MEI1: variants seen among roughly 807,000 people sequenced by gnomAD.
MEI1 encodes meiotic double-stranded break formation protein 1, also known as meiosis inhibitor protein 1.
MEI1 carries 103 observed loss-of-function variants against 146.2 expected under a neutral mutation model. The ratio of observed to expected loss-of-function variants is 0.70; its 90% CI spans 0.60 to 0.83. The LOEUF is 0.83. MEI1 is among the 40% of genes least tolerant of loss of function. The pLI, the probability that MEI1 is intolerant of heterozygous loss-of-function variation, is 0.00. For synonymous variants in MEI1, 652 were observed against 628.2 expected (o/e 1.04, Z -0.57); for missense variants, 1,529 against 1,533.0 (o/e 1.00, Z 0.04).
intron 26 of MEI1, among the ~76,000 whole-genome samples, chr22:41,789,022 T>C (rs959177222): frequency 6.6e-6 from 1 of 152,082 alleles, no homozygotes; most frequent in Non-Finnish European, 1.5e-5. Flanking sequence ...TACTTTTGTA[T>C]TGGTAGTAAG....
At chr22:41,784,552 T>C in intron 25 of MEI1, 56 bp from the exon 26 acceptor site, 1 of 1,597,780 alleles carries the variant, frequency 6.3e-7, no homozygotes, top group East Asian at 2.2e-5. Flanking sequence ...GTGACAGAGC[T>C]GGGTGGGAGG....
chr22:41,795,973 T>A lies in MEI1; in HGVS notation c.3779+126T>A. The A allele has an allele frequency of 6.2e-7, 1 of 1,611,790 alleles. No homozygotes were observed. The highest frequency in any genetic ancestry group is 1.1e-5 in the South Asian group (1 of 90,986). The stretch of plus-strand genomic sequence containing the variant: ...CTCTCTCATGAAGAGGTGGGTGATG[T>A]TCTGCAAGGTGTGGCTTTGGCTGAC... On this transcript the variant is annotated intron_variant, in intron 30 of 30. Transcript: ENST00000401548. The surrounding 1 kb of genome is among the most constrained non-coding windows in gnomAD (Gnocchi z 4.2).
Position 41,730,651 on chromosome 22 carries a change from GTCCTGTAC to G in MEI1, c.1096+16_1096+23del. 1 of 1,577,408 alleles carries G rather than the reference GTCCTGTAC, an allele frequency of 6.3e-7. No homozygotes were observed. The highest frequency in any genetic ancestry group is 8.7e-7 in the Non-Finnish European group (1 of 1,146,772). On this transcript the variant is annotated intron_variant, in intron 9 of 30. Coordinates refer to ENST00000401548, the MANE Select transcript of MEI1 (RefSeq NM_152513.4). ...ACACGGTGTATGGTTGGTAGTAAGGGTCCTGTACTAGCTTTGGGTTGGGTGGACGGCAG... is the reference window on the plus strand; with the variant it reads ...ACACGGTGTATGGTTGGTAGTAAGGGTAGCTTTGGGTTGGGTGGACGGCAG...
intron 7 of MEI1, among the ~76,000 whole-genome samples, chr22:41,726,744 C>T (rs1227433831): frequency 1.2e-5 from 1 of 81,616 alleles, no homozygotes; most frequent in Non-Finnish European, 4.0e-5. Flanking sequence ...TATGTCATTT[C>T]TTTTATAAAA....
chr22:41,774,486 C>G (rs1318151776), intron 20 of MEI1: 6 of 152,178 alleles, frequency 3.9e-5, no homozygotes, highest in Non-Finnish European at 8.8e-5. Context: ...GCCTCATACT[C>G]TGTAAAGTAA....
chr22:41,769,252 G>T (rs1344171702), intron 19 of MEI1, among the ~76,000 whole-genome samples: 2 of 152,146 alleles, frequency 1.3e-5, no homozygotes, highest in Admixed American at 1.3e-4. Context: ...TGAGAGTCCA[G>T]AAGTAAACCC....
chr22:41,713,954 C>T (rs2069853124), intron 3 of MEI1, 48 bp from the exon 4 acceptor site: 3 of 1,508,252 alleles, frequency 2.0e-6, no homozygotes, highest in Middle Eastern at 2.0e-4. Context: ...AAGGTGGACT[C>T]TGGGTTGGGG....
chr22:41,762,550 AT>A (rs1167639969), intron 18 of MEI1, among the ~76,000 whole-genome samples: 31 of 135,358 alleles, frequency 2.3e-4, no homozygotes, highest in Admixed American at 8.0e-4. Flanking sequence ...AATTTAACTG[AT>A]TTTTTTTTTT....
At position 41,799,433 on chromosome 22, in the gene MEI1, G is replaced by A; in HGVS notation, c.*134G>A. The A allele has an allele frequency of 1.2e-6, 1 of 802,332 alleles. No homozygotes were observed. The highest frequency in any genetic ancestry group is 2.0e-6 in the Non-Finnish European group (1 of 497,826). 49.7% of individuals were successfully genotyped at this position (802,332 alleles called of 1,614,324 possible). On this transcript the variant is annotated 3_prime_UTR_variant, in exon 31 of 31. Transcript: ENST00000401548. ...TACTCTATTGTTGAAATAGAATAAGGAAATAAAATGATACACTCACATACC... is the reference window on the plus strand; with the variant it reads ...TACTCTATTGTTGAAATAGAATAAGAAAATAAAATGATACACTCACATACC...
intron 24 of MEI1, among the ~76,000 whole-genome samples, chr22:41,782,160 A>T (rs543042254): frequency 4.6e-5 from 7 of 152,338 alleles, no homozygotes; most frequent in African/African-American, 1.7e-4. Context: ...TAAGGATAAG[A>T]TTGTACTCAG....
intron 12 of MEI1, among the ~76,000 whole-genome samples, chr22:41,743,962 C>T (rs184811674): frequency 6.6e-5 from 10 of 152,140 alleles, no homozygotes; most frequent in Admixed American, 5.9e-4. Flanking sequence ...CTGCAACCTC[C>T]GCCTCCCGGG....
At position 41,744,986 on chromosome 22, in the gene MEI1, G is replaced by A; in HGVS notation, c.1460G>A (p.Ser487Asn). ...LSRRPLGHAS[S>N]RDSEKAILQR... is the part of the protein sequence containing the mutation. ...TTCCCACCTCAGGGCCATGCCTCCA[G>A]TAGAGATTCAGAGAAGGCCATTCTT... Residue 487 changes from serine to asparagine, a missense_variant, in exon 13 of 31, where the codon AGT becomes AAT. Around this residue, in one of 3 missense-constraint regions of MEI1, gnomAD observed 1,212 missense variants for 1,178.9 expected, o/e 1.03. Coordinates refer to ENST00000401548, the MANE Select transcript of MEI1 (RefSeq NM_152513.4). 1 of 1,557,542 alleles carries A rather than the reference G, an allele frequency of 6.4e-7. No homozygotes were observed. The highest frequency in any genetic ancestry group is 8.7e-7 in the Non-Finnish European group (1 of 1,149,982).
At chr22:41,707,028 CAAAAAAA>C (rs59421678) in intron 3 of MEI1, among the ~76,000 whole-genome samples, 2,568 of 130,858 alleles carry the variant, frequency 0.02, 69 homozygotes, top group African/African-American at 0.062. Context: ...CCATCTCTAC[CAAAAAAA>C]AAAAAAAAAA....
intron 26 of MEI1, among the ~76,000 whole-genome samples, chr22:41,790,727 G>A (rs902571131): frequency 6.6e-6 from 1 of 152,002 alleles, no homozygotes; most frequent in African/African-American, 2.4e-5. Context: ...CTGAGCAGCT[G>A]GGACTACAGG....
At chr22:41,722,467 A>ATTTTTTTTTT (rs749033326) in intron 6 of MEI1, among the ~76,000 whole-genome samples, 1 of 127,646 alleles carries the variant, frequency 7.8e-6, no homozygotes. Flanking sequence ...CAGCATTTTA[A>ATTTTTTTTTT]TTTTTTTTTT....
At chr22:41,765,619 A>G (rs2074796831) in intron 19 of MEI1, among the ~76,000 whole-genome samples, 1 of 152,164 alleles carries the variant, frequency 6.6e-6, no homozygotes, top group African/African-American at 2.4e-5. Context: ...CCGATTAGCC[A>G]GATTCACCAA....
At chr22:41,745,789 C>G in intron 13 of MEI1, 96 bp from the exon 14 acceptor site, 1 of 1,300,808 alleles carries the variant, frequency 7.7e-7, no homozygotes, top group Non-Finnish European at 1.1e-6. Flanking sequence ...TCCCTGGACC[C>G]TGAGCACAGG....
chr22:41,710,956 A>G (rs2069499246), intron 3 of MEI1, among the ~76,000 whole-genome samples: 1 of 152,178 alleles, frequency 6.6e-6, no homozygotes, highest in South Asian at 2.1e-4. Context: ...ACCATAGCCA[A>G]CTTGTACATG....
intron 9 of MEI1, 143 bp from the exon 10 acceptor site, chr22:41,732,102 C>A: frequency 1.6e-6 from 1 of 629,522 alleles, no homozygotes; most frequent in Non-Finnish European, 2.8e-6. Flanking sequence ...AGTCTGGTCC[C>A]ATTAGCTCAA....
Sources: gnomAD v4.1 joint callset for allele counts (sites outside exome capture counted in the v4.1 genomes callset) on GRCh38, gnomAD v4.1.1 for gene constraint, gnomAD v4.1.1 regional missense constraint, Gnocchi (gnomAD v3.1) non-coding constraint, MANE v1.5 for transcripts, NCBI Gene and HGNC (gene_info 2026-07-23, HGNC 2026-07-21) for gene names.